The following RPH3A variants were observed in gnomAD, a reference collection of about 807,000 sequenced individuals.
The protein encoded by RPH3A is rabphilin-3A.
RPH3A carries 48 observed loss-of-function variants against 102.2 expected under a neutral mutation model. The ratio of observed to expected loss-of-function variants is 0.47; its 90% CI spans 0.37 to 0.60. The LOEUF is 0.60. Among genes scored for constraint, RPH3A ranks in the 20% least tolerant of loss-of-function variants. The pLI, the probability that RPH3A is intolerant of heterozygous loss-of-function variation, is 0.00. For synonymous variants in RPH3A, 310 were observed against 324.3 expected, an observed-to-expected ratio of 0.96 and a Z score of 0.47; for missense variants, 781 against 910.1, an observed-to-expected ratio of 0.86 and a Z score of 1.83.
rs1166978960 is a variant in RPH3A at position 112,826,035 on chromosome 12, CT to C, written c.-18-2265del. On this transcript the variant is annotated intron_variant, in intron 2 of 21. Transcript: ENST00000389385. ...TATGGTAGTGTGTTGCACCCATCAG[CT>C]CATCACCTAGGTATTAAGCCCTGCA... Among the ~76,000 whole-genome samples, 3 of 152,292 alleles carry C rather than the reference CT, an allele frequency of 2.0e-5. No homozygotes were observed. The East Asian group carries it at 5.8e-4, about 29-fold the overall frequency.
At position 112,896,825 on chromosome 12, in the gene RPH3A, C is replaced by A. The variant is rs764101830; in HGVS notation, c.*45C>A. 1 of 1,609,280 alleles carries A rather than the reference C, an allele frequency of 6.2e-7. No homozygotes were observed. The highest frequency in any genetic ancestry group is 1.1e-5 in the South Asian group (1 of 90,722). On this transcript the variant is annotated 3_prime_UTR_variant, in exon 22 of 22. Coordinates refer to ENST00000389385, the MANE Select transcript of RPH3A (RefSeq NM_001143854.2). ...TCTCCATGTCCCGGGTCCCCCCCAGCCTGCTCTAGCTGCCCACCGCACCCT... is the reference window on the plus strand; with the variant it reads ...TCTCCATGTCCCGGGTCCCCCCCAGACTGCTCTAGCTGCCCACCGCACCCT...
intron 1 of RPH3A, among the ~76,000 whole-genome samples, chr12:112,650,570 TTTTA>T (rs1029695329): frequency 9.2e-5 from 14 of 152,162 alleles, no homozygotes; most frequent in Admixed American, 5.2e-4. Flanking sequence ...TCCTTTTTTA[TTTTA>T]TTTATTTATT....
intron 5 of RPH3A, among the ~76,000 whole-genome samples, chr12:112,858,689 C>A (rs2042456494): frequency 6.6e-6 from 1 of 152,216 alleles, no homozygotes; most frequent in African/African-American, 2.4e-5. Context: ...ACCGTTGGAT[C>A]CTCACTGTCT....
intron 1 of RPH3A, among the ~76,000 whole-genome samples, chr12:112,779,173 A>G (rs1658359522): frequency 6.6e-6 from 1 of 152,228 alleles, no homozygotes; most frequent in Non-Finnish European, 1.5e-5. Context: ...CAGAGAAGGC[A>G]TAAGGAGCCA....
At chr12:112,777,962 G>A (rs1415792256) in intron 1 of RPH3A, among the ~76,000 whole-genome samples, 31 of 152,230 alleles carry the variant, frequency 2.0e-4, no homozygotes, top group Admixed American at 2.0e-3. Context: ...AGTGGTGAAT[G>A]CATAGGCCTG....
intron 5 of RPH3A, among the ~76,000 whole-genome samples, chr12:112,856,153 C>G (rs1318874132): frequency 6.6e-6 from 1 of 152,218 alleles, no homozygotes; most frequent in Non-Finnish European, 1.5e-5. Context: ...AAGCAGGGTG[C>G]AGGGTGTCTC....
At chr12:112,880,123 A>T (rs2136244087) in intron 14 of RPH3A, among the ~76,000 whole-genome samples, 1 of 152,322 alleles carries the variant, frequency 6.6e-6, no homozygotes, top group African/African-American at 2.4e-5. Flanking sequence ...TCTTAGACCA[A>T]CACATTCCTT....
At chr12:112,596,742 T>C (rs1206108185) in intron 1 of RPH3A, among the ~76,000 whole-genome samples, 1 of 152,240 alleles carries the variant, frequency 6.6e-6, no homozygotes, top group East Asian at 1.9e-4. Flanking sequence ...AGCTAATAAA[T>C]TTCAATAAAA....
At chr12:112,836,597 T>TA in intron 4 of RPH3A, 95 bp downstream of exon 4, 1 of 498,576 alleles carries the variant, frequency 2.0e-6, no homozygotes, top group East Asian at 3.8e-5. Flanking sequence ...GAGAGATGGT[T>TA]AAAAAAGGAA....
At chr12:112,663,545 C>T (rs951035183) in intron 1 of RPH3A, among the ~76,000 whole-genome samples, 4 of 152,010 alleles carry the variant, frequency 2.6e-5, no homozygotes, top group African/African-American at 9.7e-5. Flanking sequence ...TTTATAGAGA[C>T]AGCGTCTCAC....
intron 10 of RPH3A, among the ~76,000 whole-genome samples, chr12:112,873,527 G>A (rs1051307116): frequency 9.8e-5 from 15 of 152,346 alleles, no homozygotes; most frequent in Admixed American, 2.6e-4. Context: ...GTCTCTGAAA[G>A]GCTTTTGATC....
At chr12:112,809,241 T>A (rs911000583) in intron 2 of RPH3A, among the ~76,000 whole-genome samples, 2 of 152,174 alleles carry the variant, frequency 1.3e-5, no homozygotes, top group African/African-American at 2.4e-5. Flanking sequence ...TTGTTTGGTA[T>A]GTCAGTGGGG....
chr12:112,716,089 G>A (rs2040511538), intron 1 of RPH3A, among the ~76,000 whole-genome samples: 1 of 152,210 alleles, frequency 6.6e-6, no homozygotes. Flanking sequence ...AATGAGCAGT[G>A]AGGATGACCG....
intron 1 of RPH3A, among the ~76,000 whole-genome samples, chr12:112,613,289 A>C (rs1390859999): frequency 6.6e-6 from 1 of 151,778 alleles, no homozygotes. Context: ...CCCCTGTGTA[A>C]TGGTTGGAGA....
At position 112,847,768 on chromosome 12, in the gene RPH3A, T is replaced by C; in HGVS notation, c.156T>C (p.Asp52=). Residue 52 remains aspartate, a synonymous_variant, in exon 5 of 22, where the codon GAT becomes GAC. Transcript: ENST00000389385. The part of the protein sequence containing the change: ...DRQRKQEELT[D]EEKEIINRVI... Reference sequence around the variant, plus strand: ...AGAGGAAGCAGGAAGAGCTGACTGATGAGGAGAAAGAAATCATCAACAGGG... The same window carrying C: ...AGAGGAAGCAGGAAGAGCTGACTGACGAGGAGAAAGAAATCATCAACAGGG... The C allele has an allele frequency of 1.9e-6, 3 of 1,614,092 alleles. No homozygotes were observed. Among genetic ancestry groups the C allele is most frequent in the South Asian group, 1.1e-5 (1 of 91,068 alleles).
chr12:112,815,059 T>G (rs745809059), intron 2 of RPH3A, among the ~76,000 whole-genome samples: 1 of 152,118 alleles, frequency 6.6e-6, no homozygotes, highest in Non-Finnish European at 1.5e-5. Flanking sequence ...ACAAAAGCTA[T>G]GACCTTCAGA....
chr12:112,808,863 T>C (rs1184486043), intron 2 of RPH3A, among the ~76,000 whole-genome samples: 1 of 152,122 alleles, frequency 6.6e-6, no homozygotes, highest in Non-Finnish European at 1.5e-5. Context: ...AAATTTGAGG[T>C]GCACTGGCTT....
intron 2 of RPH3A, among the ~76,000 whole-genome samples, chr12:112,827,344 C>T (rs572583899): frequency 6.6e-6 from 1 of 152,308 alleles, no homozygotes; most frequent in South Asian, 2.1e-4. Context: ...CAGTTAGCAT[C>T]ATGTTTTCGA....
chr12:112,756,923 C>T (rs985530774), intron 1 of RPH3A, among the ~76,000 whole-genome samples: 1 of 152,204 alleles, frequency 6.6e-6, no homozygotes, highest in Non-Finnish European at 1.5e-5. Flanking sequence ...CCAATTTTTG[C>T]CCACCTGATG....
Sources: allele counts gnomAD v4.1 joint callset (sites outside exome capture counted in the v4.1 genomes callset), GRCh38; gene constraint gnomAD v4.1.1; transcripts MANE v1.5; gene names NCBI Gene and HGNC (gene_info 2026-07-23, HGNC 2026-07-21).